Variants in PPP4R3A observed in about 807,000 individuals in gnomAD.
The protein encoded by PPP4R3A is protein phosphatase 4 regulatory subunit 3A.
Under a neutral mutation model 91.7 loss-of-function variants are expected in PPP4R3A, and 15 were observed. The ratio of observed to expected loss-of-function variants is 0.16; its 90% confidence interval spans 0.11 to 0.25. The LOEUF is 0.25. Ranked by LOEUF, PPP4R3A falls within the 10% of genes least tolerant of loss-of-function variation. The pLI, the probability that PPP4R3A is intolerant of heterozygous loss-of-function variation, is 1.00. For missense variants in PPP4R3A, 623 were observed against 998.4 expected (o/e 0.62, Z 5.07); for synonymous variants, 377 against 348.7 (o/e 1.08, Z -0.91).
At chr14:91,472,184 C>T (rs541049830) in intron 9 of PPP4R3A, among the ~76,000 whole-genome samples, 22 of 151,498 alleles carry the variant, frequency 1.5e-4, no homozygotes, top group African/African-American at 3.4e-4. Context: ...CACACGCACA[C>T]GCACGCTAAA....
intron 9 of PPP4R3A, among the ~76,000 whole-genome samples, chr14:91,471,995 G>A (rs1888868170): frequency 1.4e-5 from 2 of 143,188 alleles, no homozygotes; most frequent in South Asian, 2.1e-4. Flanking sequence ...AACCTGGGAG[G>A]CAGAGGTTGC....
intron 1 of PPP4R3A, among the ~76,000 whole-genome samples, chr14:91,508,478 T>C (rs1410959901): frequency 6.6e-6 from 1 of 152,118 alleles, no homozygotes; most frequent in Non-Finnish European, 1.5e-5. Flanking sequence ...AACTGCAAAA[T>C]ATAAACTAAT....
At chr14:91,486,927 G>T (rs1268310697) in intron 2 of PPP4R3A, among the ~76,000 whole-genome samples, 74 of 107,138 alleles carry the variant, frequency 6.9e-4, no homozygotes, top group South Asian at 1.4e-3. Flanking sequence ...AAAAAAAATA[G>T]AGAGTCAAAA....
chr14:91,473,351 A>T lies in PPP4R3A; in HGVS notation c.1286T>A (p.Leu429His). The T allele has an allele frequency of 6.2e-7, 1 of 1,612,694 alleles. No homozygotes were observed. Among genetic ancestry groups the T allele is most frequent in the East Asian group, 2.2e-5 (1 of 44,878 alleles). ...ATCACAAATCATATGTTCTATAATG[A>T]GGTTGATGAGCAAAATATCCTGGAG... ...ITSKDILLIN[L>H]IIEHMICDTD... The change falls in exon 8 of 15, where the codon CTC (leucine) becomes CAC (histidine). Residue 429 changes from leucine (L) to histidine (H), a missense_variant. Transcript: ENST00000554943.
intron 4 of PPP4R3A, among the ~76,000 whole-genome samples, chr14:91,480,397 C>T (rs895931979): frequency 4.6e-5 from 7 of 152,178 alleles, no homozygotes; most frequent in Admixed American, 1.3e-4. Context: ...CTCAAATTCA[C>T]ATGGGTTTAA....
chr14:91,461,952 C>T, intron 13 of PPP4R3A, 97 bp downstream of exon 13: 3 of 1,415,580 alleles, frequency 2.1e-6, no homozygotes, highest in Non-Finnish European at 1.8e-6. Context: ...CGTATGCCAT[C>T]ACACCTTCCA....
At chr14:91,468,557 T>TAC (rs1490323065) in intron 10 of PPP4R3A, among the ~76,000 whole-genome samples, 2 of 147,974 alleles carry the variant, frequency 1.4e-5, no homozygotes, top group African/African-American at 5.0e-5. Context: ...TAATCCCAGC[T>TAC]ACTCAGGAGG....
intron 1 of PPP4R3A, among the ~76,000 whole-genome samples, chr14:91,506,095 G>A (rs939853971): frequency 1.3e-5 from 2 of 151,964 alleles, no homozygotes; most frequent in African/African-American, 2.4e-5. Context: ...ACAGGCGCCC[G>A]CCACCACACC....
Position 91,459,598 on chromosome 14 carries a change from G to A in PPP4R3A, c.2392-729C>T, listed in dbSNP as rs140455785. On this transcript the variant is annotated intron_variant, in intron 14 of 14. Coordinates refer to ENST00000554943, the MANE Select transcript of PPP4R3A (RefSeq NM_001366432.2). Reference sequence around the variant, plus strand: ...TTCCAGCACTTTGGGAGGCTGAGGCGGAGGGATCACATGAGGACAGGAGTT... The same window carrying A: ...TTCCAGCACTTTGGGAGGCTGAGGCAGAGGGATCACATGAGGACAGGAGTT... 9.2e-4 allele frequency among the ~76,000 whole-genome samples: 140 copies of A among 151,962 alleles called. 2 individuals carry two copies. In the East Asian group the frequency reaches 0.02, roughly 22 times the overall value.
chr14:91,472,824 A>ACCAACCAACCAAC (rs142250966), intron 9 of PPP4R3A, among the ~76,000 whole-genome samples: 8 of 150,402 alleles, frequency 5.3e-5, no homozygotes, highest in Admixed American at 1.3e-4. Context: ...TTTGATAAAA[A>ACCAACCAACCAAC]CAACCAACCA....
intron 1 of PPP4R3A, among the ~76,000 whole-genome samples, chr14:91,493,209 T>G (rs542712210): frequency 6.6e-6 from 1 of 151,822 alleles, no homozygotes; most frequent in Non-Finnish European, 1.5e-5. Flanking sequence ...GCCAACATGG[T>G]TAAACCCCAT....
intron 3 of PPP4R3A, among the ~76,000 whole-genome samples, chr14:91,483,539 T>TA (rs982461666): frequency 3.9e-5 from 6 of 152,336 alleles, no homozygotes; most frequent in African/African-American, 1.4e-4. Flanking sequence ...AGAAAAATGT[T>TA]AGATTTTGAT....
chr14:91,476,274 C>T, intron 6 of PPP4R3A, 134 bp downstream of exon 6: 1 of 762,294 alleles, frequency 1.3e-6, no homozygotes, highest in South Asian at 1.7e-5. Context: ...TGGAATTTTA[C>T]AGCTTCTTTA....
chr14:91,460,964 T>C (rs950721778), intron 14 of PPP4R3A, among the ~76,000 whole-genome samples: 2 of 152,194 alleles, frequency 1.3e-5, no homozygotes, highest in African/African-American at 4.8e-5. Flanking sequence ...AGATGTTTAA[T>C]TTTCTTAACA....
chr14:91,486,433 A>C (rs1332077630), intron 2 of PPP4R3A, among the ~76,000 whole-genome samples: 1 of 151,996 alleles, frequency 6.6e-6, no homozygotes, highest in East Asian at 1.9e-4. Flanking sequence ...TGGCCTCCCA[A>C]AGCACTGGGA....
intron 1 of PPP4R3A, among the ~76,000 whole-genome samples, chr14:91,504,964 GA>G (rs1200199998): frequency 6.6e-6 from 1 of 152,090 alleles, no homozygotes; most frequent in Non-Finnish European, 1.5e-5. Context: ...AATAATGAGA[GA>G]ATTTTAAAAC....
chr14:91,486,403 G>A (rs1159267212), intron 2 of PPP4R3A, among the ~76,000 whole-genome samples: 1 of 152,122 alleles, frequency 6.6e-6, no homozygotes, highest in African/African-American at 2.4e-5. Context: ...TTGAACTCCT[G>A]GCCTTGGGCC....
chr14:91,460,864 C>T (rs1040427820), intron 14 of PPP4R3A, among the ~76,000 whole-genome samples: 1 of 152,124 alleles, frequency 6.6e-6, no homozygotes, highest in African/African-American at 2.4e-5. Context: ...CGTGTCCTGC[C>T]CGCCTCAGCC....
chr14:91,507,359 T>C (rs1891371760), intron 1 of PPP4R3A, among the ~76,000 whole-genome samples: 1 of 79,830 alleles, frequency 1.3e-5, no homozygotes, highest in South Asian at 3.5e-4. Flanking sequence ...TACTATATAG[T>C]ATATATACTA....
Sources: allele counts gnomAD v4.1 joint callset (sites outside exome capture counted in the v4.1 genomes callset), GRCh38; gene constraint gnomAD v4.1.1; transcripts MANE v1.5; gene names NCBI Gene and HGNC (gene_info 2026-07-23, HGNC 2026-07-21).